PBRM1: variants seen among roughly 807,000 people sequenced by gnomAD.
PBRM1 encodes the protein polybromo 1.
Under a neutral mutation model 194.5 loss-of-function variants are expected in PBRM1, and 27 were observed. The observed-to-expected ratio is 0.14, with a 90% CI of 0.10 to 0.19. The LOEUF (loss-of-function observed/expected upper bound fraction) is 0.19, where lower values mean the gene tolerates loss of function less well. PBRM1 is among the 10% of genes least tolerant of loss of function. The pLI is 1.00. For missense variants in PBRM1, 1,466 were observed against 2,077.2 expected (o/e 0.71, Z 5.72); for synonymous variants, 655 against 693.2 (o/e 0.94, Z 0.87).
chr3:52,617,604 AC>A, intron 13 of PBRM1, 66 bp from the exon 16 acceptor site: 1 of 1,171,104 alleles, frequency 8.5e-7, no homozygotes, highest in Non-Finnish European at 1.2e-6. Flanking sequence ...TATACGGATG[AC>A]CACAAAATAA....
At chr3:52,643,031 A>C (rs2096163809) in intron 9 of PBRM1, among the ~76,000 whole-genome samples, 1 of 152,014 alleles carries the variant, frequency 6.6e-6, no homozygotes, top group Non-Finnish European at 1.5e-5. Flanking sequence ...CAAGTGATTC[A>C]CCCGTATCAG....
At chr3:52,584,965 TA>T (rs1241680225) in intron 20 of PBRM1, among the ~76,000 whole-genome samples, 1 of 151,988 alleles carries the variant, frequency 6.6e-6, no homozygotes, top group Non-Finnish European at 1.5e-5. Context: ...TTGAAAGTCT[TA>T]AAAAAAATCA....
intron 1 of PBRM1, 84 bp from the exon 3 acceptor site, chr3:52,678,681 A>G (rs1254459924): frequency 1.5e-5 from 12 of 782,866 alleles, no homozygotes; most frequent in Non-Finnish European, 2.3e-5. Context: ...TCTACTCTTC[A>G]ATAAAAGGCA....
At chr3:52,616,542 A>C (rs1482844090) in intron 14 of PBRM1, among the ~76,000 whole-genome samples, 1 of 152,056 alleles carries the variant, frequency 6.6e-6, no homozygotes, top group African/African-American at 2.4e-5. Context: ...AAGTACAAAA[A>C]ATTAGCTGGG....
At chr3:52,631,676 G>C (rs1380506311) in intron 11 of PBRM1, among the ~76,000 whole-genome samples, 1 of 152,086 alleles carries the variant, frequency 6.6e-6, no homozygotes, top group Non-Finnish European at 1.5e-5. Context: ...TTACAGATGT[G>C]AGCCACCTCG....
intron 25 of PBRM1, among the ~76,000 whole-genome samples, chr3:52,559,038 C>A (rs772133610): frequency 6.6e-6 from 1 of 152,020 alleles, no homozygotes; most frequent in Non-Finnish European, 1.5e-5. Context: ...GTTTAATAAA[C>A]CCCAAAGGAA....
At chr3:52,666,630 G>T (rs762506129) in intron 3 of PBRM1, among the ~76,000 whole-genome samples, 5 of 152,132 alleles carry the variant, frequency 3.3e-5, no homozygotes, top group Non-Finnish European at 7.3e-5. Context: ...GGTGGTTCAT[G>T]CCTGTAATCC....
chr3:52,656,192 C>T (rs2096604313), intron 5 of PBRM1, among the ~76,000 whole-genome samples: 1 of 152,088 alleles, frequency 6.6e-6, no homozygotes, highest in Admixed American at 6.5e-5. Flanking sequence ...AATTCTGATA[C>T]TTTTTAAAGG....
At chr3:52,602,185 T>C (rs988146809) in intron 17 of PBRM1, among the ~76,000 whole-genome samples, 2 of 152,192 alleles carry the variant, frequency 1.3e-5, no homozygotes, top group Non-Finnish European at 2.9e-5. Flanking sequence ...TGGAGCTGTT[T>C]TTCATCAATT....
chr3:52,592,012 A>C lies in PBRM1; in HGVS notation c.2780-2757T>G, dbSNP rs1282277650. On this transcript the variant is annotated intron_variant, in intron 17 of 29. Transcript: ENST00000296302. ...CGGCTAATTTTTGTATTTTTAGTAG[A>C]GATGGGGTTTCACCATCTTGGCCAG... is the stretch of plus-strand genomic sequence containing the variant. Among the ~76,000 whole-genome samples the C allele has an allele frequency of 3.4e-5, 5 of 146,576 alleles. No homozygotes were observed. In the East Asian group the frequency reaches 6.0e-4, roughly 18 times the overall value.
intron 2 of PBRM1, among the ~76,000 whole-genome samples, chr3:52,678,182 G>A (rs1195470515): frequency 6.6e-6 from 1 of 151,932 alleles, no homozygotes; most frequent in South Asian, 2.1e-4. Context: ...GCCCAGGCTG[G>A]TGTCATACTC....
At chr3:52,569,410 C>T (rs1405909787) in intron 22 of PBRM1, among the ~76,000 whole-genome samples, 1 of 152,116 alleles carries the variant, frequency 6.6e-6, no homozygotes, top group Admixed American at 6.6e-5. Context: ...TGGGGTTTCA[C>T]CATGTTAATG....
At chr3:52,626,307 A>C (rs1285655142) in intron 13 of PBRM1, among the ~76,000 whole-genome samples, 3 of 152,250 alleles carry the variant, frequency 2.0e-5, no homozygotes, top group African/African-American at 4.8e-5. Context: ...TTTAGTTACC[A>C]TGGTAAAGCT....
chr3:52,548,750 C>A (rs1438120147), intron 29 of PBRM1, among the ~76,000 whole-genome samples: 2 of 151,818 alleles, frequency 1.3e-5, no homozygotes, highest in African/African-American at 4.8e-5. Flanking sequence ...TTGTAGGCAT[C>A]CCTGATATTT....
intron 16 of PBRM1, among the ~76,000 whole-genome samples, chr3:52,604,379 G>A (rs1305498704): frequency 6.6e-6 from 1 of 152,204 alleles, no homozygotes; most frequent in African/African-American, 2.4e-5. Flanking sequence ...GTCATACCCA[G>A]AACTTTTCTG....
At chr3:52,559,274 T>C (rs2082887261) in intron 25 of PBRM1, among the ~76,000 whole-genome samples, 1 of 152,180 alleles carries the variant, frequency 6.6e-6, no homozygotes, top group Admixed American at 6.5e-5. Flanking sequence ...GAATACATCC[T>C]GCTACCTCCC....
At chr3:52,585,289 T>C (rs1192426842) in intron 20 of PBRM1, among the ~76,000 whole-genome samples, 1 of 152,132 alleles carries the variant, frequency 6.6e-6, no homozygotes, top group Non-Finnish European at 1.5e-5. Flanking sequence ...GCTTCAACAG[T>C]ATAATAATCA....
intron 17 of PBRM1, among the ~76,000 whole-genome samples, chr3:52,596,205 C>T (rs1051181462): frequency 2.6e-5 from 4 of 151,722 alleles, no homozygotes; most frequent in African/African-American, 7.3e-5. Context: ...TTTGGGAGGC[C>T]GAGGCGGGTG....
intron 17 of PBRM1, among the ~76,000 whole-genome samples, chr3:52,596,497 G>C: frequency 7.4e-6 from 1 of 135,898 alleles, no homozygotes; most frequent in African/African-American, 2.9e-5. Context: ...TATCCTACAG[G>C]CCTACTACCT....
Sources: gnomAD v4.1 joint callset for allele counts (sites outside exome capture counted in the v4.1 genomes callset) on GRCh38, gnomAD v4.1.1 for gene constraint, MANE v1.5 for transcripts, NCBI Gene and HGNC (gene_info 2026-07-23, HGNC 2026-07-21) for gene names.